Variants in ARHGEF26 observed in about 807,000 individuals in gnomAD.
ARHGEF26 encodes Rho guanine nucleotide exchange factor 26, also known as Rho guanine nucleotide exchange factor (GEF) 26.
A neutral mutation model predicts 89.4 loss-of-function variants in ARHGEF26; 59 were observed. The observed-to-expected ratio is 0.66, with a 90% confidence interval of 0.54 to 0.82. The LOEUF is 0.82. Ranked by LOEUF, ARHGEF26 falls within the 40% of genes least tolerant of loss-of-function variation. The pLI is 0.00. For missense variants in ARHGEF26, 1,234 were observed against 1,085.6 expected, an observed-to-expected ratio of 1.14 and a Z score of -1.92; for synonymous variants, 500 against 428.4, an observed-to-expected ratio of 1.17 and a Z score of -2.06.
intron 6 of ARHGEF26, among the ~76,000 whole-genome samples, chr3:154,154,570 C>T (rs909443948): frequency 1.2e-5 from 1 of 83,308 alleles, no homozygotes; most frequent in Non-Finnish European, 3.5e-5. Flanking sequence ...TATTCTCTTC[C>T]CATATAGATA....
chr3:154,132,600 T>C (rs1718748330), intron 4 of ARHGEF26, among the ~76,000 whole-genome samples: 1 of 152,150 alleles, frequency 6.6e-6, no homozygotes, highest in African/African-American at 2.4e-5. Context: ...GTCAGGATGT[T>C]TCTCAAAAGT....
chr3:154,180,836 T>C (rs929684253), intron 6 of ARHGEF26, among the ~76,000 whole-genome samples: 1 of 151,896 alleles, frequency 6.6e-6, no homozygotes, highest in African/African-American at 2.4e-5. Flanking sequence ...AGGATGTAGG[T>C]AGGATATTTT....
rs764581117 is a variant in ARHGEF26 at position 154,254,837 on chromosome 3, G to A, written c.2473+13G>A. On this transcript the variant is annotated intron_variant, in intron 14 of 14. Transcript: ENST00000465093. ...CGTGTCAGCGATGGTGAGTGGGAGC[G>A]TTCTTATGGGACACTCGTGGTCCAG... The A allele has an allele frequency of 1.6e-5, 25 of 1,608,974 alleles. No individual in the cohort carries two copies. The highest frequency in any genetic ancestry group is 4.5e-5 in the East Asian group (2 of 44,858).
intron 4 of ARHGEF26, among the ~76,000 whole-genome samples, chr3:154,142,330 A>AG (rs1381250100): frequency 6.6e-6 from 1 of 152,130 alleles, no homozygotes; most frequent in Non-Finnish European, 1.5e-5. Context: ...GGCCTCCCAA[A>AG]GTGCTGGGAT....
chr3:154,187,966 A>G, intron 7 of ARHGEF26, 129 bp downstream of exon 7: 1 of 955,460 alleles, frequency 1.0e-6, no homozygotes, highest in Non-Finnish European at 1.5e-6. Context: ...CCCAGAGGAG[A>G]AATGTTTAAG....
rs539583181 is a variant in ARHGEF26 at position 154,161,886 on chromosome 3, T to C, written c.1487+8954T>C. Among the ~76,000 whole-genome samples the C allele has an allele frequency of 6.6e-5, 10 of 152,298 alleles. No homozygotes were observed. In the South Asian group the frequency reaches 2.1e-3, roughly 32 times the overall value. On this transcript the variant is annotated intron_variant, in intron 6 of 14. Coordinates refer to ENST00000465093, the MANE Select transcript of ARHGEF26 (RefSeq NM_015595.4). Reference sequence around the variant, plus strand: ...TGCTTCAGAGCAGGCCCTGGCATGCTTCAGCTGCCAATTAGACCATTCTCC... The same window carrying C: ...TGCTTCAGAGCAGGCCCTGGCATGCCTCAGCTGCCAATTAGACCATTCTCC...
chr3:154,185,548 G>A (rs1239459758), intron 6 of ARHGEF26, among the ~76,000 whole-genome samples: 1 of 152,132 alleles, frequency 6.6e-6, no homozygotes, highest in Non-Finnish European at 1.5e-5. Flanking sequence ...GCTGGAGGGG[G>A]TGCAGGTACT....
intron 11 of ARHGEF26, among the ~76,000 whole-genome samples, chr3:154,227,381 C>T (rs868034983): frequency 3.3e-5 from 5 of 151,180 alleles, no homozygotes; most frequent in African/African-American, 2.4e-5. Context: ...CTGCAGGCTC[C>T]GCCTCCCGGG....
At chr3:154,219,620 C>T (rs1261362637) in intron 10 of ARHGEF26, among the ~76,000 whole-genome samples, 1 of 147,798 alleles carries the variant, frequency 6.8e-6, no homozygotes, top group East Asian at 2.0e-4. Context: ...GAAAAAGAAA[C>T]TCTGTCCAGT....
intron 12 of ARHGEF26, among the ~76,000 whole-genome samples, chr3:154,246,102 G>A (rs1211184351): frequency 1.4e-4 from 21 of 152,142 alleles, no homozygotes; most frequent in Non-Finnish European, 2.9e-5. Context: ...GATGTGATCC[G>A]GAGTGAGTGC....
chr3:154,233,866 G>A (rs1298050406), intron 11 of ARHGEF26, among the ~76,000 whole-genome samples: 1 of 152,240 alleles, frequency 6.6e-6, no homozygotes, highest in South Asian at 2.1e-4. Flanking sequence ...GGAAACATTT[G>A]TTGTGGCACC....
intron 9 of ARHGEF26, among the ~76,000 whole-genome samples, chr3:154,196,047 G>A (rs1714269693): frequency 6.7e-6 from 1 of 150,102 alleles, no homozygotes; most frequent in Admixed American, 6.7e-5. Context: ...GATAAAGTGG[G>A]ATAATGATTG....
chr3:154,237,983 CTGT>C (rs899532196), intron 11 of ARHGEF26, among the ~76,000 whole-genome samples: 6 of 152,018 alleles, frequency 3.9e-5, no homozygotes, highest in Non-Finnish European at 8.8e-5. Flanking sequence ...GTTTTTGATG[CTGT>C]TGTTGTTGAG....
intron 12 of ARHGEF26, among the ~76,000 whole-genome samples, chr3:154,249,654 T>C (rs749780939): frequency 1.5e-4 from 23 of 152,282 alleles, no homozygotes; most frequent in Non-Finnish European, 1.3e-4. Flanking sequence ...GTGTATTTGC[T>C]GTGCACCTCT....
intron 6 of ARHGEF26, among the ~76,000 whole-genome samples, chr3:154,165,159 A>G (rs887348489): frequency 6.6e-6 from 1 of 152,120 alleles, no homozygotes; most frequent in Non-Finnish European, 1.5e-5. Flanking sequence ...TGCTTATGCC[A>G]TTCCTAGGGG....
chr3:154,194,186 A>G (rs868803591), intron 8 of ARHGEF26, among the ~76,000 whole-genome samples: 6 of 152,236 alleles, frequency 3.9e-5, no homozygotes, highest in South Asian at 2.1e-4. Flanking sequence ...AATAATGATT[A>G]TAATGGTGAT....
intron 9 of ARHGEF26, among the ~76,000 whole-genome samples, chr3:154,214,634 GTAGA>G (rs1436506433): frequency 6.6e-6 from 1 of 152,162 alleles, no homozygotes. Flanking sequence ...GAGGTGCCGT[GTAGA>G]TAGTTGGATC....
At chr3:154,181,520 G>C (rs1389758883) in intron 6 of ARHGEF26, among the ~76,000 whole-genome samples, 2 of 152,154 alleles carry the variant, frequency 1.3e-5, no homozygotes, top group East Asian at 3.9e-4. Context: ...CCGGACAGCG[G>C]CATTGATTAT....
At chr3:154,132,874 C>T (rs968864467) in intron 4 of ARHGEF26, among the ~76,000 whole-genome samples, 9 of 152,024 alleles carry the variant, frequency 5.9e-5, no homozygotes, top group East Asian at 5.8e-4. Context: ...TAAGGTAGCC[C>T]GTCTAATTTT....
Sources: allele counts gnomAD v4.1 joint callset (sites outside exome capture counted in the v4.1 genomes callset), GRCh38; gene constraint gnomAD v4.1.1; transcripts MANE v1.5; gene names NCBI Gene and HGNC (gene_info 2026-07-23, HGNC 2026-07-21).